SORCS1: variants seen among roughly 807,000 people sequenced by gnomAD.
The protein encoded by SORCS1 is VPS10 domain-containing receptor SorCS1.
SORCS1 carries 60 observed loss-of-function variants against 146.1 expected under a neutral mutation model. The ratio of observed to expected loss-of-function variants is 0.41; its 90% CI spans 0.33 to 0.51. The LOEUF is 0.51. Ranked by LOEUF, SORCS1 falls within the 20% of genes least tolerant of loss-of-function variation. The pLI is 0.21. For synonymous variants in SORCS1, 637 were observed against 584.0 expected (o/e 1.09, Z -1.31); for missense variants, 1,352 against 1,487.6 (o/e 0.91, Z 1.50).
intron 1 of SORCS1, among the ~76,000 whole-genome samples, chr10:107,065,973 C>T (rs1321312037): frequency 6.6e-6 from 1 of 152,202 alleles, no homozygotes; most frequent in Non-Finnish European, 1.5e-5. Context: ...TTGATTCTAG[C>T]ACCAATGGCT....
chr10:107,154,012 T>C (rs1490687697), intron 1 of SORCS1, among the ~76,000 whole-genome samples: 4 of 138,408 alleles, frequency 2.9e-5, no homozygotes, highest in African/African-American at 8.0e-5. Flanking sequence ...TCTTTTCTTT[T>C]TTTTTTTTTT....
At chr10:106,823,244 C>T (rs953139048) in intron 3 of SORCS1, among the ~76,000 whole-genome samples, 7 of 152,216 alleles carry the variant, frequency 4.6e-5, no homozygotes, top group African/African-American at 9.6e-5. Context: ...TTATACAATA[C>T]GCTAGCTCCT....
At chr10:107,174,267 G>A in the SORCS1 span, among the ~76,000 whole-genome samples, 3 of 152,010 alleles carry the variant, frequency 2.0e-5, no homozygotes, top group South Asian at 4.2e-4. Flanking sequence ...GTGCAGTGGC[G>A]CCATCTCGGC....
rs137857984 is a variant in SORCS1, at chr10:106,796,091, C to T, written c.727-19399G>A. On this transcript the variant is annotated intron_variant, in intron 3 of 25. Coordinates refer to ENST00000263054, the MANE Select transcript of SORCS1 (RefSeq NM_052918.5). ...CATTTTCCAAAAATGCCATTTCTCA[C>T]CATTAATTGATCTTCCTGTGGCACT... 3.9e-5 allele frequency among the ~76,000 whole-genome samples: 6 copies of T among 152,266 alleles called. No homozygotes were observed. In the East Asian group the frequency reaches 1.2e-3, roughly 29 times the overall value.
chr10:106,990,974 C>A (rs1956746596), intron 1 of SORCS1, among the ~76,000 whole-genome samples: 1 of 152,184 alleles, frequency 6.6e-6, no homozygotes, highest in African/African-American at 2.4e-5. Flanking sequence ...CTTAAAGGAA[C>A]CTTCATGCCT....
intron 1 of SORCS1, among the ~76,000 whole-genome samples, chr10:107,018,793 TATA>T (rs1474391241): frequency 6.6e-6 from 1 of 152,240 alleles, no homozygotes; most frequent in Non-Finnish European, 1.5e-5. Context: ...ATGTTTCTTT[TATA>T]ATAACTTTTT....
intron 6 of SORCS1, among the ~76,000 whole-genome samples, chr10:106,725,095 G>A (rs190126209): frequency 1.3e-5 from 2 of 152,094 alleles, no homozygotes; most frequent in East Asian, 3.9e-4. Context: ...AGCTGAGAGT[G>A]CACCACTGCA....
At chr10:106,975,680 C>A (rs2139271624) in intron 1 of SORCS1, among the ~76,000 whole-genome samples, 1 of 152,318 alleles carries the variant, frequency 6.6e-6, no homozygotes, top group South Asian at 2.1e-4. Flanking sequence ...ACTCCTGATT[C>A]TTCAATAAGA....
intron 1 of SORCS1, among the ~76,000 whole-genome samples, chr10:107,035,139 T>C (rs1003206924): frequency 1.8e-4 from 28 of 151,740 alleles, no homozygotes; most frequent in Admixed American, 1.6e-3. Context: ...CTAGATTAGA[T>C]GGAATACACT....
intron 1 of SORCS1, among the ~76,000 whole-genome samples, chr10:107,148,347 T>C (rs1230881901): frequency 1.3e-5 from 2 of 152,212 alleles, no homozygotes; most frequent in Admixed American, 1.3e-4. Context: ...AACTTTGTTG[T>C]TGTAGCAGGA....
At chr10:106,783,223 C>A (rs1435183189) in intron 3 of SORCS1, among the ~76,000 whole-genome samples, 1 of 152,180 alleles carries the variant, frequency 6.6e-6, no homozygotes, top group East Asian at 1.9e-4. Flanking sequence ...AAGCTTTAAA[C>A]TAAATTATTC....
intron 5 of SORCS1, among the ~76,000 whole-genome samples, chr10:106,752,629 C>T (rs1433367106): frequency 6.6e-6 from 1 of 152,098 alleles, no homozygotes; most frequent in Non-Finnish European, 1.5e-5. Flanking sequence ...ATTTATGTTG[C>T]AAACAATGAG....
intron 2 of SORCS1, among the ~76,000 whole-genome samples, chr10:106,830,534 G>A (rs11193068): frequency 0.12 from 17,899 of 150,796 alleles, 2,023 homozygotes; most frequent in East Asian, 0.29. Context: ...TTTTCGCCTA[G>A]GCCCCATGTT....
At chr10:106,888,208 A>T (rs1189751663) in intron 2 of SORCS1, among the ~76,000 whole-genome samples, 1 of 152,262 alleles carries the variant, frequency 6.6e-6, no homozygotes, top group Non-Finnish European at 1.5e-5. Flanking sequence ...TAAATGGAAA[A>T]GAAAAAAAAG....
intron 25 of SORCS1, chr10:106,578,734 C>T (rs1346334878): frequency 9.1e-7 from 1 of 1,104,172 alleles, no homozygotes; most frequent in Admixed American, 4.8e-5. Flanking sequence ...CTGCCCAGCC[C>T]TCTGGTCCAC....
At chr10:107,175,138 T>C in the SORCS1 span, among the ~76,000 whole-genome samples, 1 of 152,194 alleles carries the variant, frequency 6.6e-6, no homozygotes, top group African/African-American at 2.4e-5. Flanking sequence ...TTTATTATAG[T>C]GTTGAATCTG....
chr10:107,041,000 T>A (rs1369504242), intron 1 of SORCS1, among the ~76,000 whole-genome samples: 3 of 152,182 alleles, frequency 2.0e-5, no homozygotes. Flanking sequence ...CTTAAATGCC[T>A]ATTATTGACA....
chr10:106,597,650 A>T (rs1204635236), intron 23 of SORCS1, among the ~76,000 whole-genome samples, 200 bp from the exon 24 acceptor site: 1 of 152,236 alleles, frequency 6.6e-6, no homozygotes, highest in Non-Finnish European at 1.5e-5. Context: ...TTTACGTGCT[A>T]ATTGCAACAA....
At chr10:106,629,566 G>A (rs1353437734) in intron 18 of SORCS1, among the ~76,000 whole-genome samples, 178 bp from the exon 19 acceptor site, 1 of 152,180 alleles carries the variant, frequency 6.6e-6, no homozygotes, top group Admixed American at 6.5e-5. Context: ...TTCCCTGGCA[G>A]GCAAGAGTTT....
Sources: gnomAD v4.1 joint callset for allele counts (sites outside exome capture counted in the v4.1 genomes callset) on GRCh38, gnomAD v4.1.1 for gene constraint, MANE v1.5 for transcripts, NCBI Gene and HGNC (gene_info 2026-07-23, HGNC 2026-07-21) for gene names.